Variants in SSUH2 observed in about 807,000 individuals in gnomAD.
SSUH2 encodes ssu-2 homolog, also known as protein SSUH2 homolog.
In SSUH2, 47 loss-of-function variants were observed where a neutral mutation model predicts 55.3. The ratio of observed to expected loss-of-function variants is 0.85; its 90% confidence interval spans 0.67 to 1.08. The LOEUF (loss-of-function observed/expected upper bound fraction) is 1.08. Among genes scored for constraint, SSUH2 ranks in the 50% least tolerant of loss-of-function variants. The pLI is 0.00. For missense variants in SSUH2, 535 were observed against 490.7 expected, an observed-to-expected ratio of 1.09 and a Z score of -0.85; for synonymous variants, 212 against 191.5, an observed-to-expected ratio of 1.11 and a Z score of -0.89.
At chr3:8,623,748 A>G in intron 10 of SSUH2, 92 bp from the exon 11 acceptor site, 1 of 637,558 alleles carries the variant, frequency 1.6e-6, no homozygotes, top group Non-Finnish European at 2.7e-6. Flanking sequence ...AGCCAGAGCC[A>G]GACAGAGAAG....
chr3:8,647,297 C>T (rs527412762), upstream of SSUH2, among the ~76,000 whole-genome samples: 26 of 152,308 alleles, frequency 1.7e-4, no homozygotes, highest in African/African-American at 5.5e-4. Context: ...AGAGCTGGTC[C>T]GGAATGGAGG....
In SSUH2 at chr3:8,634,140, C is replaced by T. The variant is rs181308134; in HGVS notation, c.210-345G>A. 2.4e-4 allele frequency: 163 copies of T among 681,958 alleles called. 1 individual carries two copies. In the East Asian group the frequency reaches 3.5e-3, roughly 15 times the overall value. The allele number at this position is 681,958 out of a possible 1,614,324, so 42.2% of individuals were successfully genotyped here. A position where few individuals can be genotyped will look rare whatever the true frequency, so the allele number is the denominator to read the frequency against. ...AAACAGAGGTCCAGAGAGGATGTCG[C>T]ACAGTTAAAAGGAGGCAGAGACAGG... On this transcript the variant is annotated intron_variant, in intron 3 of 11. Transcript: ENST00000544814.
intron 5 of SSUH2, among the ~76,000 whole-genome samples, chr3:8,666,658 C>A (rs1704020031): frequency 1.3e-5 from 2 of 152,170 alleles, no homozygotes; most frequent in Admixed American, 6.5e-5. Flanking sequence ...GGGTTTCGCC[C>A]ACCACCAAGC....
intron 5 of SSUH2, among the ~76,000 whole-genome samples, chr3:8,664,831 A>C (rs1703840848): frequency 6.6e-6 from 1 of 152,214 alleles, no homozygotes; most frequent in African/African-American, 2.4e-5. Flanking sequence ...AAGACAACCT[A>C]AACAGGTCAT....
chr3:8,674,871 C>T (rs1471544521), intron 3 of SSUH2, among the ~76,000 whole-genome samples: 4 of 151,066 alleles, frequency 2.6e-5, no homozygotes, highest in African/African-American at 9.8e-5. Context: ...GCCAAGGGTC[C>T]GGGCGGAAGA....
chr3:8,620,560 T>C (rs1156764492), intron 11 of SSUH2, among the ~76,000 whole-genome samples: 3 of 152,236 alleles, frequency 2.0e-5, no homozygotes, highest in Non-Finnish European at 4.4e-5. Flanking sequence ...TATCTCCTAC[T>C]GTGCTCCTTC....
chr3:8,663,417 T>C lies in SSUH2; in HGVS notation c.-396+327A>G, dbSNP rs1341423862. Among the ~76,000 whole-genome samples, 5 of 152,256 alleles carry C rather than the reference T, an allele frequency of 3.3e-5. No homozygotes were observed. In the East Asian group the frequency reaches 9.6e-4, roughly 29 times the overall value. ...TGCCTGGAACTGAAACTCTTTACTC[T>C]GGATTCAGACCCCTGTCTCTCGTCC... On this transcript the variant is annotated intron_variant, in intron 6 of 18. Transcript: ENST00000317371.
At chr3:8,631,019 G>C in intron 5 of SSUH2, 90 bp from the exon 6 acceptor site, 1 of 1,273,794 alleles carries the variant, frequency 7.9e-7, no homozygotes, top group Non-Finnish European at 1.0e-6. Flanking sequence ...GCCTTCAGTT[G>C]GTGCCAGGCA....
intron 3 of SSUH2, chr3:8,634,617 A>T (rs962710962): frequency 3.9e-6 from 5 of 1,281,968 alleles, no homozygotes; most frequent in Non-Finnish European, 5.1e-6. Context: ...GAGGCCAGAG[A>T]TGACTCCCCG....
intron 6 of SSUH2, among the ~76,000 whole-genome samples, chr3:8,660,114 G>C (rs1371249091): frequency 6.6e-6 from 1 of 152,202 alleles, no homozygotes; most frequent in Non-Finnish European, 1.5e-5. Context: ...TTTCCACAGG[G>C]ACTACACAAT....
At chr3:8,664,478 T>A (rs1051206427) in intron 5 of SSUH2, among the ~76,000 whole-genome samples, 1 of 138,974 alleles carries the variant, frequency 7.2e-6, no homozygotes, top group African/African-American at 2.5e-5. Flanking sequence ...TCTGAGCAAT[T>A]TTTTTTTACC....
At chr3:8,624,166 A>G (rs1697043630) in intron 10 of SSUH2, among the ~76,000 whole-genome samples, 1 of 152,124 alleles carries the variant, frequency 6.6e-6, no homozygotes, top group South Asian at 2.1e-4. Flanking sequence ...CCCTTCTGCC[A>G]GGCTTGAAAG....
intron 1 of SSUH2, among the ~76,000 whole-genome samples, chr3:8,644,434 A>G (rs1041427306): frequency 3.9e-5 from 6 of 152,152 alleles, no homozygotes; most frequent in African/African-American, 1.4e-4. Flanking sequence ...TTCATCTTTC[A>G]CCTTCCTTCT....
chr3:8,653,521 C>G (rs1702640040), intron 7 of SSUH2, among the ~76,000 whole-genome samples: 1 of 152,178 alleles, frequency 6.6e-6, no homozygotes, highest in African/African-American at 2.4e-5. Flanking sequence ...GGATATCTTT[C>G]TGTGTCAACA....
upstream of SSUH2, among the ~76,000 whole-genome samples, chr3:8,649,022 G>A (rs548924015): frequency 6.6e-6 from 1 of 152,178 alleles, no homozygotes; most frequent in East Asian, 1.9e-4. Context: ...TTCATTCAGG[G>A]CAGCTCTGAA....
chr3:8,633,178 T>C (rs913017810), intron 4 of SSUH2, among the ~76,000 whole-genome samples: 3 of 150,990 alleles, frequency 2.0e-5, no homozygotes, highest in African/African-American at 7.3e-5. Flanking sequence ...AGTTTCGTTC[T>C]TGTTGCCCAG....
intron 3 of SSUH2, among the ~76,000 whole-genome samples, chr3:8,672,682 C>A (rs770822055): frequency 6.6e-6 from 1 of 151,768 alleles, no homozygotes; most frequent in Non-Finnish European, 1.5e-5. Flanking sequence ...ACACAGCCTG[C>A]GATATTTCGA....
At chr3:8,659,671 A>G (rs7637978) in intron 6 of SSUH2, 5,399 of 424,168 alleles carry the variant, frequency 0.013, 265 homozygotes, top group African/African-American at 0.099. Context: ...CAAACCCTCA[A>G]TGGGCATGGG....
chr3:8,634,116 A>C, intron 3 of SSUH2: 1 of 730,896 alleles, frequency 1.4e-6, no homozygotes, highest in Non-Finnish European at 2.2e-6. Context: ...AGATAAGAAA[A>C]ACAGAGGTCC....
Sources: allele counts gnomAD v4.1 joint callset (sites outside exome capture counted in the v4.1 genomes callset), GRCh38; gene constraint gnomAD v4.1.1; transcripts MANE v1.5; gene names NCBI Gene and HGNC (gene_info 2026-07-23, HGNC 2026-07-21).